NLRP3: variants seen among roughly 807,000 people sequenced by gnomAD.
NLRP3 encodes NACHT, LRR and PYD domains-containing protein 3.
In NLRP3, 48 loss-of-function variants were observed where a neutral mutation model predicts 91.3. That is an observed-to-expected ratio of 0.53 (90% CI 0.42 to 0.67). The LOEUF (loss-of-function observed/expected upper bound fraction) is 0.67, where lower values mean the gene tolerates loss of function less well. NLRP3 is among the 30% of genes least tolerant of loss of function. NLRP3 has a pLI of 0.00. For synonymous variants in NLRP3, 561 were observed against 507.9 expected, an observed-to-expected ratio of 1.10 and a Z score of -1.41; for missense variants, 982 against 1,276.9, an observed-to-expected ratio of 0.77 and a Z score of 3.52.
chr1:247,434,509 C>T (rs797022634), intron 6 of NLRP3, among the ~76,000 whole-genome samples: 7 of 152,286 alleles, frequency 4.6e-5, no homozygotes, highest in African/African-American at 1.7e-4. Flanking sequence ...AGATGTCTGC[C>T]TTTAGGGTGC....
At chr1:247,427,366 G>T (rs1268130595) in intron 4 of NLRP3, among the ~76,000 whole-genome samples, 1 of 152,228 alleles carries the variant, frequency 6.6e-6, no homozygotes, top group African/African-American at 2.4e-5. Flanking sequence ...AAGACAGAGA[G>T]AAAAGTAGGC....
intron 2 of NLRP3, among the ~76,000 whole-genome samples, chr1:247,422,530 T>G (rs570440889): frequency 1.3e-5 from 2 of 152,344 alleles, no homozygotes; most frequent in African/African-American, 4.8e-5. Flanking sequence ...ATCTAGTGAC[T>G]GTTTGGATTT....
In NLRP3 at chr1:247,424,406, C is replaced by T. The variant is rs1246017059; in HGVS notation, c.957C>T (p.Asp319=). ...FDEHIGPLCT[D]WQKAERGDIL... is the part of the protein sequence containing the mutation. ...AGCACATAGGACCGCTCTGCACTGA[C>T]TGGCAGAAGGCCGAGCGGGGAGACA... is the stretch of plus-strand genomic sequence containing the variant. The change falls in exon 4 of 10, where the codon GAC becomes GAT. Residue 319 remains aspartate, a synonymous_variant. Transcript: ENST00000336119. This position sits in a 1 kb window ranked among gnomAD's most constrained non-coding sequence, Gnocchi z 8.1. 6.2e-7 allele frequency: 1 copy of T among 1,614,138 alleles called. No individual in the cohort carries two copies. The highest frequency in any genetic ancestry group is 2.2e-5 in the East Asian group (1 of 44,886).
chr1:247,436,239 A>T, intron 7 of NLRP3, 99 bp downstream of exon 7: 1 of 1,126,680 alleles, frequency 8.9e-7, no homozygotes, highest in Admixed American at 1.9e-5. Flanking sequence ...GGCAGAGCTG[A>T]AGGTAGAGTA....
Position 247,443,946 on chromosome 1 carries a change from G to C in NLRP3, c.2664-26G>C, listed in dbSNP as rs749914447. 1.6e-5 allele frequency: 25 copies of C among 1,612,804 alleles called. No individual in the cohort carries two copies. In the East Asian group the frequency reaches 1.6e-4, roughly 10 times the overall value. Reference sequence around the variant, plus strand: ...ATGTTGGGGAACAGCTGGGTACTGAGGACTCTTCTCCCTGTCCTTCTACAG... The same window carrying C: ...ATGTTGGGGAACAGCTGGGTACTGACGACTCTTCTCCCTGTCCTTCTACAG... On this transcript the variant is annotated intron_variant, in intron 7 of 9. Transcript: ENST00000336119.
At chr1:247,417,730 C>T (rs1286578650) in intron 1 of NLRP3, among the ~76,000 whole-genome samples, 2 of 152,142 alleles carry the variant, frequency 1.3e-5, no homozygotes, top group Non-Finnish European at 2.9e-5. Context: ...AGGTGATCCG[C>T]CCACCTCGGC....
intron 7 of NLRP3, among the ~76,000 whole-genome samples, chr1:247,441,127 TTCTCTTTCTTTC>T (rs140812979): frequency 0.37 from 46,952 of 126,860 alleles, 8,491 homozygotes; most frequent in East Asian, 0.52. Context: ...CTTTTTCTTT[TTCTCTTTCTTTC>T]TTTCTTTCTC....
chr1:247,441,131 CTTTCTT>C (rs1558207099), intron 7 of NLRP3, among the ~76,000 whole-genome samples: 1 of 21,990 alleles, frequency 4.5e-5, no homozygotes, highest in Admixed American at 7.6e-4. Flanking sequence ...TTCTTTTTCT[CTTTCTT>C]TCTTTCTTTC....
chr1:247,425,763 G>GATGT lies in NLRP3; in HGVS notation c.2150+168_2150+171dup. 1.5e-6 allele frequency: 1 copy of GATGT among 682,642 alleles called. No homozygotes were observed. Among genetic ancestry groups the GATGT allele is most frequent in the Non-Finnish European group, 2.6e-6 (1 of 389,436 alleles). 42.3% of individuals were successfully genotyped at this position (682,642 alleles called of 1,614,324 possible). On this transcript the variant is annotated intron_variant, in intron 4 of 9. Transcript: ENST00000336119. This position sits in a 1 kb window ranked among gnomAD's most constrained non-coding sequence, Gnocchi z 4.1. ...TGAGACTCCTTCATGAGCAAAGATTGATGTATGGTAGGTGGATAAATGGGA... is the reference window on the plus strand; with the variant it reads ...TGAGACTCCTTCATGAGCAAAGATTGATGTATGTATGGTAGGTGGATAAATGGGA...
In NLRP3 at chr1:247,423,475, C is replaced by G; in HGVS notation, c.397+126C>G. 4 of 1,131,812 alleles carry G rather than the reference C, an allele frequency of 3.5e-6. No homozygotes were observed. In the South Asian group the frequency reaches 5.1e-5, roughly 14 times the overall value. The allele number at this position is 1,131,812 out of a possible 1,614,324, so 70.1% of individuals were successfully genotyped here. ...TGCTCTTTGGAATGCAAAGGCCTGT[C>G]TCAGGAAATCCATTGTCAGTTGAAG... On this transcript the variant is annotated intron_variant, in intron 3 of 9. Transcript: ENST00000336119.
At chr1:247,420,205 T>G (rs1662355578) in intron 2 of NLRP3, among the ~76,000 whole-genome samples, 1 of 152,248 alleles carries the variant, frequency 6.6e-6, no homozygotes, top group South Asian at 2.1e-4. Context: ...TGGCCATTTA[T>G]AGAGCTTCTT....
intron 3 of NLRP3, 114 bp from the exon 4 acceptor site, chr1:247,423,733 C>A (rs1468643705): frequency 4.2e-6 from 4 of 945,558 alleles, no homozygotes; most frequent in Non-Finnish European, 5.0e-6. Context: ...AGGAGCTGCA[C>A]CTTCCATTTC....
chr1:247,417,467 T>C (rs1403447240), intron 1 of NLRP3, among the ~76,000 whole-genome samples: 3 of 152,178 alleles, frequency 2.0e-5, no homozygotes, highest in East Asian at 1.9e-4. Flanking sequence ...TGTATGTTTT[T>C]ATTTATTTTA....
chr1:247,418,581 C>T lies in NLRP3; in HGVS notation c.-220C>T, dbSNP rs202062117. The T allele has an allele frequency of 2.1e-5, 12 of 568,606 alleles. No homozygotes were observed. Among genetic ancestry groups the T allele is most frequent in the Admixed American group, 5.6e-5 (2 of 35,626 alleles). The allele number at this position is 568,606 out of a possible 1,614,324, so 35.2% of individuals were successfully genotyped here. A position where few individuals can be genotyped will look rare whatever the true frequency, so the allele number is the denominator to read the frequency against. On this transcript the variant is annotated 5_prime_UTR_variant, in exon 2 of 10. Transcript: ENST00000336119. ...CCTCTCAAAGTGCTGGGATTACAGG[C>T]GTGAGCCACTGTGCCCGGCCTTGGC...
intron 6 of NLRP3, 42 bp from the exon 7 acceptor site, chr1:247,435,928 T>A: frequency 6.2e-7 from 1 of 1,604,200 alleles, no homozygotes; most frequent in Non-Finnish European, 8.5e-7. Context: ...TGGTGGAGCG[T>A]GGGTGAGAGA....
Position 247,418,666 on chromosome 1 carries a change from GT to G in NLRP3, c.-132del, listed in dbSNP as rs1371497895. 1.1e-4 allele frequency: 124 copies of G among 1,124,472 alleles called. No homozygotes were observed. The highest frequency in any genetic ancestry group is 3.2e-5 in the Non-Finnish European group (25 of 775,802). The allele number at this position is 1,124,472 out of a possible 1,614,324, so 69.7% of individuals were successfully genotyped here. ...AGTCATGTGACATTTTTTTCTTTCTGTTTGCTGAGTTTTTGATAATTTATAT... is the reference window on the plus strand; with the variant it reads ...AGTCATGTGACATTTTTTTCTTTCTGTTGCTGAGTTTTTGATAATTTATAT... On this transcript the variant is annotated 5_prime_UTR_variant, in exon 2 of 10. Transcript: ENST00000336119.
At chr1:247,417,492 A>G (rs545704546) in intron 1 of NLRP3, among the ~76,000 whole-genome samples, 24 of 152,012 alleles carry the variant, frequency 1.6e-4, no homozygotes, top group African/African-American at 5.6e-4. Flanking sequence ...ATTCTATTTT[A>G]TTTTTTGAGA....
intron 5 of NLRP3, among the ~76,000 whole-genome samples, chr1:247,430,118 C>T (rs6673762): frequency 0.21 from 32,248 of 151,962 alleles, 3,501 homozygotes; most frequent in Middle Eastern, 0.26. Context: ...TCAGGTGATC[C>T]GCCCGCCTCG....
chr1:247,429,508 GCACCCCGGCCCCCA>G, intron 4 of NLRP3, 63 bp from the exon 5 acceptor site: 1 of 1,533,312 alleles, frequency 6.5e-7, no homozygotes, highest in Admixed American at 1.7e-5. Flanking sequence ...CTGGTGCCAG[GCACCCCGGCCCCCA>G]GCTCCAGTTA....
Sources: allele counts gnomAD v4.1 joint callset (sites outside exome capture counted in the v4.1 genomes callset), GRCh38; gene constraint gnomAD v4.1.1; non-coding constraint Gnocchi (gnomAD v3.1); transcripts MANE v1.5; gene names NCBI Gene and HGNC (gene_info 2026-07-23, HGNC 2026-07-21).